DAZL: variants seen among roughly 807,000 people sequenced by gnomAD.
The protein encoded by DAZL is deleted in azoospermia-like.
In DAZL, 4 loss-of-function variants were observed where a neutral mutation model predicts 45.0. The observed-to-expected ratio is 0.09, with a 90% CI of 0.04 to 0.20. DAZL has a LOEUF of 0.20. DAZL is among the 10% of genes least tolerant of loss of function. The pLI is 1.00. For missense variants in DAZL, 326 were observed against 351.3 expected (o/e 0.93, Z 0.58); for synonymous variants, 122 against 112.4 (o/e 1.09, Z -0.54).
Position 16,596,807 on chromosome 3 carries a change from G to A in DAZL, c.441C>T (p.Asn147=). ...TTGTGGGCTGCATATAAGTTTCAGT[G>A]TTTGGATTAGTCCAGACATTCTGAA... ...PQFQNVWTNP[N]TETYMQPTTT... Residue 147 remains asparagine (N), a synonymous_variant, in exon 6 of 11, where the codon AAC becomes AAT. Coordinates refer to ENST00000399444, the MANE Select transcript of DAZL (RefSeq NM_001351.4). 6.2e-7 allele frequency: 1 copy of A among 1,613,786 alleles called. No homozygotes were observed. Among genetic ancestry groups the A allele is most frequent in the Non-Finnish European group, 8.5e-7 (1 of 1,179,700 alleles).
At chr3:16,605,116 C>T (rs1575421975) in intron 1 of DAZL, 87 bp downstream of exon 1, 1 of 1,551,228 alleles carries the variant, frequency 6.4e-7, no homozygotes, top group East Asian at 2.2e-5. Context: ...CCGAGGATGA[C>T]TTCACTTTCC....
At chr3:16,600,848 G>C (rs1694679375) in intron 1 of DAZL, among the ~76,000 whole-genome samples, 1 of 152,160 alleles carries the variant, frequency 6.6e-6, no homozygotes, top group Non-Finnish European at 1.5e-5. Flanking sequence ...GATTATAAGA[G>C]GTCATGATAA....
At chr3:16,593,316 T>G (rs1365989023) in intron 9 of DAZL, among the ~76,000 whole-genome samples, 2 of 152,202 alleles carry the variant, frequency 1.3e-5, no homozygotes, top group Non-Finnish European at 2.9e-5. Flanking sequence ...TTCACCAACC[T>G]TTACATTAAC....
rs573474830 is a variant in DAZL at position 16,588,546 on chromosome 3, T to G, written c.*114A>C. 2.5e-6 allele frequency: 2 copies of G among 813,156 alleles called. No homozygotes were observed. The highest frequency in any genetic ancestry group is 1.7e-5 in the Admixed American group (1 of 57,778). 50.4% of individuals were successfully genotyped at this position (813,156 alleles called of 1,614,324 possible). A position where few individuals can be genotyped will look rare whatever the true frequency, so the allele number is the denominator to read the frequency against. On this transcript the variant is annotated 3_prime_UTR_variant, in exon 11 of 11. Coordinates refer to ENST00000399444, the MANE Select transcript of DAZL (RefSeq NM_001351.4). ...CTAGAGAGTCTAATAATACAACTTA[T>G]ACACAAAGTTTGAGTGTGATTTACC...
Sources: gnomAD v4.1 joint callset for allele counts (sites outside exome capture counted in the v4.1 genomes callset) on GRCh38, gnomAD v4.1.1 for gene constraint, MANE v1.5 for transcripts, NCBI Gene and HGNC (gene_info 2026-07-23, HGNC 2026-07-21) for gene names.